FTO: variants seen among roughly 807,000 people sequenced by gnomAD.
FTO encodes the protein FTO alpha-ketoglutarate dependent dioxygenase, also known as alpha-ketoglutarate-dependent dioxygenase FTO.
FTO carries 47 observed loss-of-function variants against 63.9 expected under a neutral mutation model. That is an observed-to-expected ratio of 0.74 (90% CI 0.58 to 0.94). The LOEUF (loss-of-function observed/expected upper bound fraction) is 0.94, where lower values mean the gene tolerates loss of function less well. FTO is among the 40% of genes least tolerant of loss of function. The pLI, the probability that FTO is intolerant of heterozygous loss-of-function variation, is 0.00. For synonymous variants in FTO, 207 were observed against 224.4 expected (o/e 0.92, Z 0.69); for missense variants, 562 against 618.1 (o/e 0.91, Z 0.96).
chr16:53,946,154 A>G (rs567492574), intron 8 of FTO, among the ~76,000 whole-genome samples: 98 of 151,162 alleles, frequency 6.5e-4, no homozygotes, highest in Middle Eastern at 3.4e-3. Flanking sequence ...TTTCCAGTCT[A>G]TTGTCCCAGG....
chr16:54,002,028 A>G (rs1378346674), intron 8 of FTO, among the ~76,000 whole-genome samples: 1 of 152,240 alleles, frequency 6.6e-6, no homozygotes, highest in African/African-American at 2.4e-5. Context: ...ACTTGAATGC[A>G]TGCTTTTACC....
At chr16:53,920,661 G>A (rs1017685474) in intron 7 of FTO, among the ~76,000 whole-genome samples, 1 of 152,146 alleles carries the variant, frequency 6.6e-6, no homozygotes, top group Non-Finnish European at 1.5e-5. Context: ...CTTTGCAGTG[G>A]CAGGGGTTGG....
At chr16:53,743,188 A>G (rs559888656) in intron 1 of FTO, among the ~76,000 whole-genome samples, 1 of 152,116 alleles carries the variant, frequency 6.6e-6, no homozygotes, top group Non-Finnish European at 1.5e-5. Context: ...TTATATTTCT[A>G]CATTTTCTTG....
rs776935801 is a variant in FTO at position 54,119,421 on chromosome 16, T to C, written c.*7506T>C. The C allele has an allele frequency of 2.0e-5, 3 of 152,282 alleles. No individual in the cohort carries two copies. The highest frequency in any genetic ancestry group is 4.4e-5 in the Non-Finnish European group (3 of 68,104). The allele number at this position is 152,282 out of a possible 1,614,324, so 9.4% of individuals were successfully genotyped here. On this transcript the variant is annotated 3_prime_UTR_variant, in exon 9 of 9. Coordinates refer to ENST00000471389, the MANE Select transcript of FTO (RefSeq NM_001080432.3). ...CATCCAACCCAGAAAACTGGACCGCTGGTCACCTTCCTTCCCCCTGCCCCC... is the reference window on the plus strand; with the variant it reads ...CATCCAACCCAGAAAACTGGACCGCCGGTCACCTTCCTTCCCCCTGCCCCC...
intron 8 of FTO, chr16:53,984,994 A>T (rs1169441387): frequency 2.2e-6 from 1 of 456,206 alleles, no homozygotes; most frequent in East Asian, 7.0e-5. Context: ...GCTGCCATTG[A>T]TGTCCTTCCA....
At chr16:53,746,710 T>A (rs567475358) in intron 1 of FTO, among the ~76,000 whole-genome samples, 1 of 152,342 alleles carries the variant, frequency 6.6e-6, no homozygotes, top group African/African-American at 2.4e-5. Context: ...ACATTTTAAA[T>A]GAACTCTTGG....
At chr16:54,060,417 C>G (rs1365747777) in intron 8 of FTO, among the ~76,000 whole-genome samples, 2 of 152,136 alleles carry the variant, frequency 1.3e-5, no homozygotes, top group Non-Finnish European at 2.9e-5. Flanking sequence ...ATGGTAATCT[C>G]TATATACAGA....
At chr16:54,061,820 A>G (rs913339462) in intron 8 of FTO, 3 of 152,172 alleles carry the variant, frequency 2.0e-5, no homozygotes, top group Admixed American at 2.0e-4. Flanking sequence ...TGCTCTACTG[A>G]CCTTGACTTT....
chr16:54,073,824 A>C (rs1379319198), intron 8 of FTO, among the ~76,000 whole-genome samples: 2 of 152,168 alleles, frequency 1.3e-5, no homozygotes, highest in Non-Finnish European at 2.9e-5. Flanking sequence ...TTAAAGAATA[A>C]AAATTTATAG....
At chr16:53,828,572 T>C (rs1249324949) in intron 3 of FTO, among the ~76,000 whole-genome samples, 3 of 152,236 alleles carry the variant, frequency 2.0e-5, no homozygotes, top group Non-Finnish European at 4.4e-5. Flanking sequence ...ATACTGGGAA[T>C]GCTCATTTAT....
rs1012480713 is a variant in FTO, at chr16:54,108,156, G to A, written c.1365-3606G>A. ...TACAGGACAACAAATTTCCATCACA[G>A]TCAGTATTCCTCACACATTTCGTAA... On this transcript the variant is annotated intron_variant, in intron 8 of 8. Coordinates refer to ENST00000471389, the MANE Select transcript of FTO (RefSeq NM_001080432.3). Among the ~76,000 whole-genome samples, 5 of 152,176 alleles carry A rather than the reference G, an allele frequency of 3.3e-5. No individual in the cohort carries two copies. In the South Asian group the frequency reaches 1.0e-3, roughly 32 times the overall value.
intron 8 of FTO, among the ~76,000 whole-genome samples, chr16:54,073,099 A>G (rs944121484): frequency 4.6e-5 from 7 of 152,168 alleles, no homozygotes; most frequent in African/African-American, 1.4e-4. Context: ...CAATAAACCA[A>G]TAATTGTTGA....
At chr16:53,805,677 T>A (rs2078346105) in intron 1 of FTO, among the ~76,000 whole-genome samples, 1 of 152,308 alleles carries the variant, frequency 6.6e-6, no homozygotes, top group African/African-American at 2.4e-5. Flanking sequence ...CTCGAACTCC[T>A]GAGCTCAGGT....
intron 8 of FTO, among the ~76,000 whole-genome samples, chr16:54,081,184 T>C (rs2086131237): frequency 1.3e-5 from 2 of 151,932 alleles, no homozygotes; most frequent in African/African-American, 4.8e-5. Context: ...AGCCAACTTG[T>C]AGAGGGGAGA....
At chr16:54,048,126 T>TAAAAAAA (rs71380060) in intron 8 of FTO, among the ~76,000 whole-genome samples, 19 of 56,398 alleles carry the variant, frequency 3.4e-4, no homozygotes, top group African/African-American at 8.8e-4. Flanking sequence ...AAAAAAAAAT[T>TAAAAAAA]AAAAAAAAAA....
chr16:53,781,880 A>G (rs2077597386), intron 1 of FTO, among the ~76,000 whole-genome samples: 1 of 152,188 alleles, frequency 6.6e-6, no homozygotes, highest in African/African-American at 2.4e-5. Context: ...ATCAGGGTTC[A>G]GATTTCTGCT....
chr16:54,098,437 A>G (rs545941211), intron 8 of FTO, among the ~76,000 whole-genome samples: 5 of 152,348 alleles, frequency 3.3e-5, no homozygotes, highest in Non-Finnish European at 7.4e-5. Context: ...AAGTAGTTCT[A>G]AAAACAGCAG....
At chr16:53,938,203 T>C (rs571559516) in intron 8 of FTO, among the ~76,000 whole-genome samples, 1 of 152,380 alleles carries the variant, frequency 6.6e-6, no homozygotes, top group African/African-American at 2.4e-5. Flanking sequence ...CAGAGTCTTA[T>C]TCCTACTACA....
intron 8 of FTO, among the ~76,000 whole-genome samples, chr16:54,022,171 A>C (rs1022839405): frequency 6.6e-6 from 1 of 152,202 alleles, no homozygotes; most frequent in Non-Finnish European, 1.5e-5. Flanking sequence ...ACCTGCCCTA[A>C]GTCTACAGTT....
Sources: allele counts gnomAD v4.1 joint callset (sites outside exome capture counted in the v4.1 genomes callset), GRCh38; gene constraint gnomAD v4.1.1; transcripts MANE v1.5; gene names NCBI Gene and HGNC (gene_info 2026-07-23, HGNC 2026-07-21).